Variants in STK4 observed in about 807,000 individuals in gnomAD.
STK4 encodes the protein serine/threonine kinase 4.
A neutral mutation model predicts 64.9 loss-of-function variants in STK4; 30 were observed. The ratio of observed to expected loss-of-function variants is 0.46; its 90% CI spans 0.35 to 0.63. The LOEUF is 0.63. Among genes scored for constraint, STK4 ranks in the 20% least tolerant of loss-of-function variants. The probability of loss-of-function intolerance (pLI) is 0.01; values close to 1 mark genes in which losing one functional copy is unlikely to be tolerated. For synonymous variants in STK4, 177 were observed against 199.0 expected (o/e 0.89, Z 0.93); for missense variants, 466 against 598.5 (o/e 0.78, Z 2.31).
chr20:45,031,041 A>T (rs1370539093), intron 10 of STK4, among the ~76,000 whole-genome samples: 1 of 151,862 alleles, frequency 6.6e-6, no homozygotes, highest in Non-Finnish European at 1.5e-5. Flanking sequence ...TTACAAAAAT[A>T]AAAAAAAGAT....
chr20:45,022,298 C>T (rs1329717074), intron 9 of STK4, among the ~76,000 whole-genome samples: 3 of 152,080 alleles, frequency 2.0e-5, no homozygotes, highest in Admixed American at 6.5e-5. Flanking sequence ...TTTGGAACTT[C>T]GAATTCTAAT....
chr20:45,063,553 C>T (rs1979284866), intron 10 of STK4, among the ~76,000 whole-genome samples: 1 of 151,996 alleles, frequency 6.6e-6, no homozygotes, highest in African/African-American at 2.4e-5. Context: ...CTGTTTACTC[C>T]CTTGATAGTT....
intron 9 of STK4, among the ~76,000 whole-genome samples, chr20:45,014,774 A>G (rs1368515339): frequency 6.6e-6 from 1 of 152,158 alleles, no homozygotes; most frequent in East Asian, 1.9e-4. Context: ...TGTCCTTACC[A>G]CATTCCCAAG....
At chr20:44,977,986 C>G (rs2067368534) in intron 2 of STK4, among the ~76,000 whole-genome samples, 1 of 152,118 alleles carries the variant, frequency 6.6e-6, no homozygotes, top group African/African-American at 2.4e-5. Context: ...TCAGACACAC[C>G]CGGGTTCAAA....
rs1037434173 is a variant in STK4, at chr20:45,075,764, T to C, written c.*588T>C. On this transcript the variant is annotated 3_prime_UTR_variant, in exon 11 of 11. Coordinates refer to ENST00000372806, the MANE Select transcript of STK4 (RefSeq NM_006282.5). Reference sequence around the variant, plus strand: ...TAAAAATTAGGTTTGGGACAGTTCTTGTACCGTGGTTTCAGCCTTGTGTGG... The same window carrying C: ...TAAAAATTAGGTTTGGGACAGTTCTCGTACCGTGGTTTCAGCCTTGTGTGG... 1 of 152,712 alleles carries C rather than the reference T, an allele frequency of 6.5e-6. No individual in the cohort carries two copies. Among genetic ancestry groups the C allele is most frequent in the Admixed American group, 6.5e-5 (1 of 15,280 alleles). The allele number at this position is 152,712 out of a possible 1,614,324, so 9.5% of individuals were successfully genotyped here. A position where few individuals can be genotyped will look rare whatever the true frequency, so the allele number is the denominator to read the frequency against.
intron 3 of STK4, among the ~76,000 whole-genome samples, chr20:44,978,852 G>GC (rs2067385799): frequency 1.3e-5 from 2 of 148,722 alleles, no homozygotes; most frequent in South Asian, 4.2e-4. Flanking sequence ...AGGCTGGGGT[G>GC]CAGTGGTGCA....
At chr20:45,043,705 G>C (rs1411454528) in intron 10 of STK4, among the ~76,000 whole-genome samples, 1 of 152,122 alleles carries the variant, frequency 6.6e-6, no homozygotes, top group African/African-American at 2.4e-5. Context: ...TCATATTTTT[G>C]GATTAGAGAT....
Position 44,975,682 on chromosome 20 carries a change from C to A in STK4, c.117-2761C>A, listed in dbSNP as rs1200334842. 4 of 152,080 alleles carry A rather than the reference C, an allele frequency of 2.6e-5. No homozygotes were observed. In the East Asian group the frequency reaches 7.7e-4, roughly 29 times the overall value. 9.4% of individuals were successfully genotyped at this position (152,080 alleles called of 1,614,324 possible). A position where few individuals can be genotyped will look rare whatever the true frequency, so the allele number is the denominator to read the frequency against. ...CTGAAATAAATTTGCCTGACCACAA[C>A]CAGAAAGTGTCATTTGCCTGTGGCC... On this transcript the variant is annotated intron_variant, in intron 2 of 10. Coordinates refer to ENST00000372806, the MANE Select transcript of STK4 (RefSeq NM_006282.5).
In STK4 at chr20:45,055,725, C is replaced by CT. The variant is rs71197597; in HGVS notation, c.1306-19283dup. ...TTCTTTTCTTTTTCTTTCTTTCTTT[C>CT]TTTTTTTTTTGTTTTCTTTTTCCCC... On this transcript the variant is annotated intron_variant, in intron 10 of 10. Transcript: ENST00000372806. Among the ~76,000 whole-genome samples the CT allele has an allele frequency of 2.3e-3, 334 of 148,150 alleles. 3 individuals carry two copies. Among genetic ancestry groups the CT allele is most frequent in the East Asian group, 9.9e-3 (50 of 5,054 alleles).
chr20:45,033,194 T>G (rs1168307189), intron 10 of STK4, among the ~76,000 whole-genome samples: 1 of 152,226 alleles, frequency 6.6e-6, no homozygotes, highest in Non-Finnish European at 1.5e-5. Context: ...ATGCATAGTT[T>G]GCAGAAATTT....
intron 10 of STK4, among the ~76,000 whole-genome samples, chr20:45,050,114 C>T (rs186480111): frequency 1.1e-3 from 174 of 152,288 alleles, no homozygotes; most frequent in Admixed American, 8.6e-3. Flanking sequence ...CCTAGGCTGG[C>T]TGCAGAGAGA....
intron 10 of STK4, among the ~76,000 whole-genome samples, chr20:45,051,777 G>T (rs561193977): frequency 6.6e-6 from 1 of 152,330 alleles, no homozygotes; most frequent in South Asian, 2.1e-4. Context: ...GGTCAGGCTT[G>T]CAGGCAGGGA....
chr20:45,001,392 G>A (rs1267808957), intron 9 of STK4, 39 bp downstream of exon 9: 1 of 1,570,716 alleles, frequency 6.4e-7, no homozygotes, highest in Non-Finnish European at 8.7e-7. Context: ...CTTAGACCAA[G>A]CATACATATT....
intron 10 of STK4, among the ~76,000 whole-genome samples, chr20:45,036,529 A>G (rs1201595265): frequency 2.0e-5 from 3 of 152,154 alleles, no homozygotes; most frequent in Admixed American, 6.6e-5. Context: ...CGATGCTGGC[A>G]ATTCCAGCTT....
At chr20:44,986,216 AAG>A (rs2067527845) in intron 4 of STK4, among the ~76,000 whole-genome samples, 1 of 152,224 alleles carries the variant, frequency 6.6e-6, no homozygotes, top group Admixed American at 6.5e-5. Flanking sequence ...CTGCAGTGAC[AAG>A]GTAATTTAAG....
intron 10 of STK4, among the ~76,000 whole-genome samples, chr20:45,043,982 C>T (rs1289093821): frequency 1.3e-5 from 2 of 152,094 alleles, no homozygotes; most frequent in Non-Finnish European, 2.9e-5. Context: ...ATACTTGCTC[C>T]CAGAGGGACT....
chr20:45,002,067 C>T (rs2067851489), intron 9 of STK4, among the ~76,000 whole-genome samples: 3 of 152,178 alleles, frequency 2.0e-5, no homozygotes, highest in South Asian at 4.1e-4. Flanking sequence ...CTTCTCCTCC[C>T]CTCCTGTTTT....
intron 1 of STK4, among the ~76,000 whole-genome samples, chr20:44,968,140 T>C (rs752226870): frequency 2.0e-5 from 3 of 148,304 alleles, no homozygotes; most frequent in Admixed American, 6.6e-5. Flanking sequence ...AAAGTCCATG[T>C]TCTTTTTTTT....
intron 4 of STK4, among the ~76,000 whole-genome samples, chr20:44,984,358 G>A (rs746525412): frequency 1.4e-4 from 21 of 151,562 alleles, no homozygotes; most frequent in South Asian, 6.2e-4. Flanking sequence ...CCGCCACCAC[G>A]CCTGGCTAAT....
Sources: allele counts gnomAD v4.1 joint callset (sites outside exome capture counted in the v4.1 genomes callset), GRCh38; gene constraint gnomAD v4.1.1; transcripts MANE v1.5; gene names NCBI Gene and HGNC (gene_info 2026-07-23, HGNC 2026-07-21).